FARP1: variants seen among roughly 807,000 people sequenced by gnomAD.
FARP1 encodes FERM, ARH/RhoGEF and pleckstrin domain protein 1.
A neutral mutation model predicts 128.8 loss-of-function variants in FARP1; 52 were observed. That is an observed-to-expected ratio of 0.40 (90% confidence interval 0.32 to 0.51). FARP1 has a LOEUF of 0.51. Among genes scored for constraint, FARP1 ranks in the 20% least tolerant of loss-of-function variants. The pLI, the probability that FARP1 is intolerant of heterozygous loss-of-function variation, is 0.45. For synonymous variants in FARP1, 580 were observed against 551.8 expected (o/e 1.05, Z -0.72); for missense variants, 1,333 against 1,367.9 (o/e 0.97, Z 0.40).
At chr13:98,386,279 CTT>C (rs922260873) in intron 8 of FARP1, among the ~76,000 whole-genome samples, 1 of 147,760 alleles carries the variant, frequency 6.8e-6, no homozygotes, top group Non-Finnish European at 1.5e-5. Context: ...GTTAGGCACA[CTT>C]TTAAGATACA....
chr13:98,325,671 G>A (rs1887197823), intron 2 of FARP1, among the ~76,000 whole-genome samples: 1 of 152,200 alleles, frequency 6.6e-6, no homozygotes, highest in African/African-American at 2.4e-5. Flanking sequence ...AATCAGAGAG[G>A]CACATACTTC....
chr13:98,395,525 T>C, intron 13 of FARP1, 49 bp downstream of exon 13: 3 of 1,528,094 alleles, frequency 2.0e-6, no homozygotes, highest in Non-Finnish European at 2.6e-6. Context: ...ATTCCTTTCA[T>C]TGACTGCAGT....
intron 19 of FARP1, chr13:98,435,970 C>T (rs1468808723): frequency 1.0e-5 from 5 of 479,420 alleles, no homozygotes; most frequent in Non-Finnish European, 2.0e-5. Flanking sequence ...CCTACCATAT[C>T]CCACAGAAGA....
chr13:98,257,260 C>T (rs190517407), intron 2 of FARP1, among the ~76,000 whole-genome samples: 15 of 151,934 alleles, frequency 9.9e-5, no homozygotes, highest in Admixed American at 5.9e-4. Context: ...TAATCTGGTA[C>T]GATGGAAATG....
intron 2 of FARP1, among the ~76,000 whole-genome samples, chr13:98,216,574 A>T (rs1301875824): frequency 1.3e-5 from 2 of 152,222 alleles, no homozygotes; most frequent in East Asian, 3.9e-4. Context: ...TTTGCTTATT[A>T]ATTTTATTTT....
intron 1 of FARP1, among the ~76,000 whole-genome samples, chr13:98,152,189 G>A (rs562971774): frequency 2.6e-5 from 4 of 152,198 alleles, no homozygotes; most frequent in East Asian, 1.9e-4. Context: ...GCTGCCCCTC[G>A]GCATGTTGAT....
At chr13:98,341,989 A>G (rs917473651) in intron 2 of FARP1, among the ~76,000 whole-genome samples, 1 of 152,264 alleles carries the variant, frequency 6.6e-6, no homozygotes, top group Non-Finnish European at 1.5e-5. Flanking sequence ...ACACATAGGT[A>G]CTAAACCATC....
At chr13:98,325,431 A>G (rs1290728108) in intron 2 of FARP1, among the ~76,000 whole-genome samples, 1 of 152,140 alleles carries the variant, frequency 6.6e-6, no homozygotes, top group Non-Finnish European at 1.5e-5. Flanking sequence ...CTGACGCCCC[A>G]GCTTGCTGAT....
At chr13:98,148,585 C>T (rs1594198628) in intron 1 of FARP1, among the ~76,000 whole-genome samples, 1 of 152,186 alleles carries the variant, frequency 6.6e-6, no homozygotes, top group Admixed American at 6.5e-5. Flanking sequence ...CCTTTTTGTA[C>T]TTTGAAGCTT....
intron 2 of FARP1, among the ~76,000 whole-genome samples, chr13:98,228,773 CTCT>C (rs1313241623): frequency 6.6e-6 from 1 of 152,126 alleles, no homozygotes; most frequent in Non-Finnish European, 1.5e-5. Context: ...ATTGGTTCAC[CTCT>C]TCTTGCATGA....
At chr13:98,182,715 T>G (rs1878615028) in intron 1 of FARP1, among the ~76,000 whole-genome samples, 1 of 152,248 alleles carries the variant, frequency 6.6e-6, no homozygotes, top group Non-Finnish European at 1.5e-5. Context: ...TCCTTGCTTT[T>G]ATATTTGAAG....
chr13:98,351,187 AG>A (rs1888407040), intron 3 of FARP1, among the ~76,000 whole-genome samples: 1 of 151,884 alleles, frequency 6.6e-6, no homozygotes, highest in Non-Finnish European at 1.5e-5. Context: ...GGGAACTGTG[AG>A]TAATAAACCC....
At chr13:98,287,313 T>G (rs1018862402) in intron 2 of FARP1, among the ~76,000 whole-genome samples, 2 of 146,150 alleles carry the variant, frequency 1.4e-5, no homozygotes, top group East Asian at 2.1e-4. Flanking sequence ...CACTGCAACC[T>G]TCTCCTCCCG....
intron 17 of FARP1, 31 bp downstream of exon 17, chr13:98,424,681 G>C (rs1206434536): frequency 2.0e-6 from 3 of 1,484,310 alleles, no homozygotes; most frequent in African/African-American, 2.8e-5. Context: ...GTGGAGCAAG[G>C]TTCACCAAGG....
intron 2 of FARP1, among the ~76,000 whole-genome samples, chr13:98,310,754 G>A (rs1268514156): frequency 1.3e-5 from 2 of 152,150 alleles, no homozygotes; most frequent in East Asian, 3.9e-4. Flanking sequence ...CCCTAAGAAA[G>A]ACAGTATTTT....
At chr13:98,408,332 T>TC (rs1891056271) in intron 13 of FARP1, among the ~76,000 whole-genome samples, 3 of 144,760 alleles carry the variant, frequency 2.1e-5, no homozygotes, top group Non-Finnish European at 4.5e-5. Context: ...CTTTTTTTTT[T>TC]TTTTTTTTTT....
At chr13:98,290,037 G>A (rs1885375193) in intron 2 of FARP1, among the ~76,000 whole-genome samples, 2 of 151,696 alleles carry the variant, frequency 1.3e-5, no homozygotes, top group South Asian at 4.2e-4. Context: ...ATTTAGAGAA[G>A]TGTGGTGGAG....
At chr13:98,256,332 G>A (rs1883583150) in intron 2 of FARP1, among the ~76,000 whole-genome samples, 1 of 152,178 alleles carries the variant, frequency 6.6e-6, no homozygotes, top group East Asian at 1.9e-4. Flanking sequence ...AATTAAGTGA[G>A]ATCTGTGAAA....
chr13:98,439,912 G>T, intron 21 of FARP1, 49 bp from the exon 22 acceptor site: 4 of 1,322,104 alleles, frequency 3.0e-6, no homozygotes, highest in Non-Finnish European at 4.2e-6. Flanking sequence ...AGGGATGTTT[G>T]GAAGTGCATC....
Sources: allele counts gnomAD v4.1 joint callset (sites outside exome capture counted in the v4.1 genomes callset), GRCh38; gene constraint gnomAD v4.1.1; transcripts MANE v1.5; gene names NCBI Gene and HGNC (gene_info 2026-07-23, HGNC 2026-07-21).